Variants in SCARA5 observed in about 807,000 individuals in gnomAD.
SCARA5 encodes scavenger receptor class A member 5, also known as scavenger receptor class A, member 5 (putative).
Under a neutral mutation model 46.3 loss-of-function variants are expected in SCARA5, and 45 were observed. The observed-to-expected ratio is 0.97, with a 90% CI of 0.76 to 1.24. The LOEUF is 1.24. SCARA5 is among the 50% of genes most tolerant of loss of function. The pLI is 0.00. For missense variants in SCARA5, 680 were observed against 689.0 expected (o/e 0.99, Z 0.15); for synonymous variants, 333 against 306.5 (o/e 1.09, Z -0.90).
At chr8:27,881,544 T>G in intron 7 of SCARA5, among the ~76,000 whole-genome samples, 1 of 151,446 alleles carries the variant, frequency 6.6e-6, no homozygotes. Context: ...AGAAGAGGGG[T>G]AAGGGTTGAA....
At chr8:27,932,245 C>G (rs1291612603) in intron 3 of SCARA5, among the ~76,000 whole-genome samples, 1 of 152,192 alleles carries the variant, frequency 6.6e-6, no homozygotes, top group African/African-American at 2.4e-5. Context: ...CTCCCAAAGT[C>G]CTGAGATTAC....
chr8:27,921,628 G>A lies in SCARA5; in HGVS notation c.859C>T (p.Leu287=), dbSNP rs1270207527. The A allele has an allele frequency of 1.2e-6, 2 of 1,601,166 alleles. No individual in the cohort carries two copies. Among genetic ancestry groups the A allele is most frequent in the Non-Finnish European group, 1.7e-6 (2 of 1,172,992 alleles). ...GAGTGCTCCCAGTCCTTGAGGCGCA[G>A]GTCCTCGGTGACCGCGTTGAGCATG... is the stretch of plus-strand genomic sequence containing the variant. ...LAMLNAVTED[L]RLKDWEHSIA... Residue 287 remains leucine, a synonymous_variant, in exon 4 of 9, where the codon CTG becomes TTG. Transcript: ENST00000354914.
chr8:27,917,449 A>G (rs895551694), intron 4 of SCARA5, among the ~76,000 whole-genome samples: 3 of 152,166 alleles, frequency 2.0e-5, no homozygotes, highest in Admixed American at 2.0e-4. Flanking sequence ...TGACGTCTCT[A>G]GCTTGGAAGA....
intron 1 of SCARA5, among the ~76,000 whole-genome samples, chr8:27,988,460 A>G (rs950706777): frequency 6.6e-6 from 1 of 152,214 alleles, no homozygotes; most frequent in Non-Finnish European, 1.5e-5. Flanking sequence ...ACACGATCCC[A>G]TTTTGTAAGA....
rs1243970255 is a variant in SCARA5 at position 27,987,621 on chromosome 8, C to T, written c.-6G>A. ...TACATAGCTTTGTTCTCCATCACAC[C>T]CTGCAACAGCTGCAGAGAAGGCAAG... On this transcript the variant is annotated 5_prime_UTR_variant, in exon 2 of 9. Transcript: ENST00000354914. 1 of 1,594,690 alleles carries T rather than the reference C, an allele frequency of 6.3e-7. No homozygotes were observed. Among genetic ancestry groups the T allele is most frequent in the African/African-American group, 1.3e-5 (1 of 74,536 alleles).
chr8:27,932,033 C>T (rs1187750734), intron 3 of SCARA5, among the ~76,000 whole-genome samples: 1 of 152,014 alleles, frequency 6.6e-6, no homozygotes, highest in Non-Finnish European at 1.5e-5. Context: ...GGCTGGAGTG[C>T]AGTGGCGTCA....
chr8:27,936,243 G>C (rs1807855441), intron 3 of SCARA5, among the ~76,000 whole-genome samples: 1 of 152,056 alleles, frequency 6.6e-6, no homozygotes, highest in Non-Finnish European at 1.5e-5. Context: ...CATAGGTATG[G>C]TATCCTGAAT....
At chr8:27,889,249 G>T (rs780457619) in intron 7 of SCARA5, among the ~76,000 whole-genome samples, 1 of 152,216 alleles carries the variant, frequency 6.6e-6, no homozygotes, top group African/African-American at 2.4e-5. Flanking sequence ...GATATCACTA[G>T]GAACAACTTC....
intron 7 of SCARA5, among the ~76,000 whole-genome samples, chr8:27,881,340 T>C (rs1039601937): frequency 5.3e-5 from 8 of 152,166 alleles, no homozygotes; most frequent in African/African-American, 1.7e-4. Flanking sequence ...GTGGTACATA[T>C]ACATATACAC....
At chr8:27,971,394 C>A (rs1808445754) in intron 2 of SCARA5, among the ~76,000 whole-genome samples, 1 of 152,160 alleles carries the variant, frequency 6.6e-6, no homozygotes, top group African/African-American at 2.4e-5. Context: ...ACTTCAGAGT[C>A]CAATGTACAG....
At chr8:27,940,485 C>T (rs772846211) in intron 3 of SCARA5, among the ~76,000 whole-genome samples, 4 of 152,184 alleles carry the variant, frequency 2.6e-5, no homozygotes, top group Non-Finnish European at 5.9e-5. Flanking sequence ...TGAAATGTCT[C>T]AGATCACCTA....
At chr8:27,945,980 G>A (rs1312760068) in intron 3 of SCARA5, among the ~76,000 whole-genome samples, 3 of 152,164 alleles carry the variant, frequency 2.0e-5, no homozygotes, top group Non-Finnish European at 4.4e-5. Flanking sequence ...TTTTTGGAAG[G>A]CAATTTGGCA....
intron 7 of SCARA5, among the ~76,000 whole-genome samples, chr8:27,883,006 C>T (rs10088835): frequency 0.51 from 77,894 of 152,056 alleles, 20,161 homozygotes; most frequent in East Asian, 0.63. Flanking sequence ...AAACAAAATG[C>T]AACAAAGCTA....
intron 7 of SCARA5, among the ~76,000 whole-genome samples, chr8:27,900,115 G>A (rs1255080513): frequency 6.6e-6 from 1 of 151,654 alleles, no homozygotes; most frequent in Non-Finnish European, 1.5e-5. Flanking sequence ...TCCAGCCTGG[G>A]TGACAGAGCA....
intron 4 of SCARA5, among the ~76,000 whole-genome samples, chr8:27,919,253 GAAA>G (rs1407494969): frequency 2.6e-5 from 4 of 151,806 alleles, no homozygotes; most frequent in African/African-American, 9.7e-5. Context: ...AGGAGGAAGA[GAAA>G]GAGGAGAAGG....
At position 27,871,441 on chromosome 8, in the gene SCARA5, G is replaced by C; in HGVS notation, c.*493C>G. On this transcript the variant is annotated 3_prime_UTR_variant, in exon 9 of 9. Coordinates refer to ENST00000354914, the MANE Select transcript of SCARA5 (RefSeq NM_173833.6). The stretch of plus-strand genomic sequence containing the variant: ...AATGGGGAGCAGAGGCAGAGTAAAG[G>C]GGGGAAATTCATCACTTGACGTTGC... 1.0e-6 allele frequency: 1 copy of C among 988,986 alleles called. No homozygotes were observed. The highest frequency in any genetic ancestry group is 1.2e-6 in the Non-Finnish European group (1 of 831,974). The allele number at this position is 988,986 out of a possible 1,614,324, so 61.3% of individuals were successfully genotyped here.
At chr8:27,960,898 T>C (rs978576139) in intron 3 of SCARA5, among the ~76,000 whole-genome samples, 26 of 152,182 alleles carry the variant, frequency 1.7e-4, no homozygotes, top group Non-Finnish European at 2.9e-4. Context: ...CAGCTATGCT[T>C]ATGTGTGTGT....
intron 4 of SCARA5, among the ~76,000 whole-genome samples, chr8:27,916,557 G>T (rs980007465): frequency 2.0e-5 from 3 of 152,178 alleles, no homozygotes; most frequent in Admixed American, 6.5e-5. Context: ...TAAAGCTAGG[G>T]CAGAAAGGCC....
At chr8:27,945,007 T>C (rs1199392951) in intron 3 of SCARA5, among the ~76,000 whole-genome samples, 2 of 151,456 alleles carry the variant, frequency 1.3e-5, no homozygotes, top group East Asian at 3.9e-4. Context: ...CTACTAAAAA[T>C]ACAAAAAATT....
Sources: allele counts gnomAD v4.1 joint callset (sites outside exome capture counted in the v4.1 genomes callset), GRCh38; gene constraint gnomAD v4.1.1; transcripts MANE v1.5; gene names NCBI Gene and HGNC (gene_info 2026-07-23, HGNC 2026-07-21).